The following NLGN1 variants were observed in gnomAD, a reference collection of about 807,000 sequenced individuals.
NLGN1 encodes neuroligin 1, also known as neuroligin-1.
Under a neutral mutation model 65.5 loss-of-function variants are expected in NLGN1, and 12 were observed. The ratio of observed to expected loss-of-function variants is 0.18; its 90% confidence interval spans 0.12 to 0.30. The LOEUF (loss-of-function observed/expected upper bound fraction) is 0.30. NLGN1 is among the 10% of genes least tolerant of loss of function. The probability of loss-of-function intolerance (pLI) is 1.00; values close to 1 mark genes in which losing one functional copy is unlikely to be tolerated. For synonymous variants in NLGN1, 350 were observed against 359.5 expected, an observed-to-expected ratio of 0.97 and a Z score of 0.30; for missense variants, 750 against 1,007.1, an observed-to-expected ratio of 0.74 and a Z score of 3.46.
intron 3 of NLGN1, among the ~76,000 whole-genome samples, chr3:173,698,335 T>C (rs1382126235): frequency 6.6e-6 from 1 of 152,188 alleles, no homozygotes; most frequent in East Asian, 1.9e-4. Context: ...TTATGCCATA[T>C]GAAAACAGAA....
intron 4 of NLGN1, among the ~76,000 whole-genome samples, chr3:174,147,419 C>CTT (rs574298501): frequency 0.016 from 574 of 36,262 alleles, 129 homozygotes; most frequent in Non-Finnish European, 0.023. Flanking sequence ...TGGCTCATGG[C>CTT]TTTTTTTTTT....
At chr3:173,508,506 A>C (rs75917455) in intron 2 of NLGN1, among the ~76,000 whole-genome samples, 1 of 152,138 alleles carries the variant, frequency 6.6e-6, no homozygotes, top group Non-Finnish European at 1.5e-5. Flanking sequence ...CGTATTATAC[A>C]TCTGCAGGAA....
intron 2 of NLGN1, among the ~76,000 whole-genome samples, chr3:173,564,571 T>C (rs192727307): frequency 1.3e-5 from 2 of 152,284 alleles, no homozygotes; most frequent in East Asian, 3.9e-4. Flanking sequence ...AGATCCAGTG[T>C]AGAATCTTCC....
Position 173,600,592 on chromosome 3 carries a change from C to CTTTTTTTTTTTTTTTTTTTTTTTTTTTTT in NLGN1, c.-320-3678_-320-3677insTTTTTTTTTTTTTTTTTTTTTTTTTTTTT, listed in dbSNP as rs150984290. Among the ~76,000 whole-genome samples, 158 of 103,476 alleles carry CTTTTTTTTTTTTTTTTTTTTTTTTTTTTT rather than the reference C, an allele frequency of 1.5e-3. 44 individuals are homozygous for CTTTTTTTTTTTTTTTTTTTTTTTTTTTTT. The highest frequency in any genetic ancestry group is 5.7e-3 in the South Asian group (15 of 2,640). 67.9% of individuals were successfully genotyped at this position (103,476 alleles called of 152,430 possible). A position where few individuals can be genotyped will look rare whatever the true frequency, so the allele number is the denominator to read the frequency against. ...AAGCAAGGTAGAAATAAAAACATAT[C>CTTTTTTTTTTTTTTTTTTTTTTTTTTTTT]TTTTTTTTTAGAAAAAGATATGTAA... On this transcript the variant is annotated intron_variant, in intron 2 of 6. Transcript: ENST00000457714.
chr3:173,415,943 A>AGAGCGAGC (rs141095727), intron 1 of NLGN1, among the ~76,000 whole-genome samples: 61 of 142,864 alleles, frequency 4.3e-4, no homozygotes, highest in African/African-American at 1.5e-3. Context: ...AGAGAGAGAG[A>AGAGCGAGC]GCTTGGTATA....
At chr3:173,729,225 A>G (rs1772373266) in intron 3 of NLGN1, among the ~76,000 whole-genome samples, 1 of 152,080 alleles carries the variant, frequency 6.6e-6, no homozygotes, top group African/African-American at 2.4e-5. Flanking sequence ...CTGCTGAGCA[A>G]TTCCCAGAAA....
chr3:173,495,132 A>T (rs1317567178), intron 2 of NLGN1, among the ~76,000 whole-genome samples: 1 of 151,736 alleles, frequency 6.6e-6, no homozygotes, highest in Non-Finnish European at 1.5e-5. Context: ...TCAGTTCAGG[A>T]GTATAACTAT....
At chr3:174,203,161 C>T (rs983196404) in intron 4 of NLGN1, among the ~76,000 whole-genome samples, 3 of 152,166 alleles carry the variant, frequency 2.0e-5, no homozygotes, top group African/African-American at 7.2e-5. Context: ...CCCATCAGCT[C>T]ACATTCCTGA....
At chr3:173,940,239 C>G (rs1303215660) in intron 4 of NLGN1, among the ~76,000 whole-genome samples, 2 of 151,974 alleles carry the variant, frequency 1.3e-5, no homozygotes, top group East Asian at 3.9e-4. Context: ...CAGGCATGCA[C>G]CACCACGCCC....
chr3:174,268,798 A>G, intron 4 of NLGN1, among the ~76,000 whole-genome samples: 1 of 152,120 alleles, frequency 6.6e-6, no homozygotes, highest in Middle Eastern at 3.4e-3. Context: ...GCTGTCGGTA[A>G]TCAGAAGCCA....
intron 4 of NLGN1, among the ~76,000 whole-genome samples, chr3:173,842,840 A>T (rs990527151): frequency 8.5e-5 from 13 of 152,116 alleles, no homozygotes; most frequent in African/African-American, 2.9e-4. Context: ...AGTCTGGAGG[A>T]TGGTGGCCGC....
At chr3:173,661,322 C>G (rs1760895669) in intron 3 of NLGN1, among the ~76,000 whole-genome samples, 1 of 151,840 alleles carries the variant, frequency 6.6e-6, no homozygotes, top group South Asian at 2.1e-4. Flanking sequence ...TGATGTTATC[C>G]ACGTTTTTCA....
intron 2 of NLGN1, among the ~76,000 whole-genome samples, chr3:173,598,082 G>A (rs3913563): frequency 0.072 from 10,830 of 151,150 alleles, 437 homozygotes; most frequent in Middle Eastern, 0.16. Flanking sequence ...ACTCCCTTTC[G>A]TTGATATTTG....
chr3:173,662,703 C>T (rs1361384321), intron 3 of NLGN1, among the ~76,000 whole-genome samples: 2 of 151,936 alleles, frequency 1.3e-5, no homozygotes, highest in African/African-American at 2.4e-5. Flanking sequence ...CAGTGGTTCT[C>T]AACTTAAGAC....
At chr3:173,666,621 G>T (rs926028069) in intron 3 of NLGN1, among the ~76,000 whole-genome samples, 1 of 152,082 alleles carries the variant, frequency 6.6e-6, no homozygotes, top group Non-Finnish European at 1.5e-5. Context: ...GACTCTCTTG[G>T]TGATGCTCCT....
intron 3 of NLGN1, among the ~76,000 whole-genome samples, chr3:173,739,381 TAACCCG>T (rs1201047442): frequency 3.3e-5 from 5 of 150,392 alleles, no homozygotes; most frequent in Non-Finnish European, 7.4e-5. Flanking sequence ...GTAAATATTT[TAACCCG>T]AACAAAAGGC....
rs1409547946 is a variant in NLGN1 at position 173,909,224 on chromosome 3, A to AT, written c.646+101393dup. ...TGGTTTCGGGGGAGGTTCAGTTAAG[A>AT]TAAAAAAAAAGCCCAGACAATGGCA... On this transcript the variant is annotated intron_variant, in intron 4 of 6. Transcript: ENST00000457714. 5.3e-5 allele frequency among the ~76,000 whole-genome samples: 8 copies of AT among 152,268 alleles called. No homozygotes were observed. In the East Asian group the frequency reaches 5.8e-4, roughly 11 times the overall value.
Position 173,740,433 on chromosome 3 carries a change from T to A in NLGN1, c.494-67247T>A, listed in dbSNP as rs562799151. On this transcript the variant is annotated intron_variant, in intron 3 of 6. Coordinates refer to ENST00000457714, the Ensembl canonical transcript of NLGN1. ...ACCATATTTTGCACATAGCACATTG[T>A]AGGATAGTATTTTGCACAGAAAAAA... Among the ~76,000 whole-genome samples, 5 of 152,186 alleles carry A rather than the reference T, an allele frequency of 3.3e-5. No homozygotes were observed. In the East Asian group the frequency reaches 9.7e-4, roughly 29 times the overall value.
intron 4 of NLGN1, among the ~76,000 whole-genome samples, chr3:173,857,619 T>C (rs1311883387): frequency 6.6e-6 from 1 of 152,080 alleles, no homozygotes; most frequent in African/African-American, 2.4e-5. Flanking sequence ...TGTTGCCTCC[T>C]GGATTGCGAA....
Sources: gnomAD v4.1 joint callset for allele counts (sites outside exome capture counted in the v4.1 genomes callset) on GRCh38, gnomAD v4.1.1 for gene constraint, MANE v1.5 for transcripts, NCBI Gene and HGNC (gene_info 2026-07-23, HGNC 2026-07-21) for gene names.